CADM2: variants seen among roughly 807,000 people sequenced by gnomAD.
The protein encoded by CADM2 is cell adhesion molecule 2.
Under a neutral mutation model 49.8 loss-of-function variants are expected in CADM2, and 12 were observed. The observed-to-expected ratio is 0.24, with a 90% confidence interval of 0.15 to 0.39. The LOEUF (loss-of-function observed/expected upper bound fraction) is 0.39. Ranked by LOEUF, CADM2 falls within the 10% of genes least tolerant of loss-of-function variation. The pLI, the probability that CADM2 is intolerant of heterozygous loss-of-function variation, is 1.00. For missense variants in CADM2, 378 were observed against 492.3 expected, an observed-to-expected ratio of 0.77 and a Z score of 2.20; for synonymous variants, 214 against 175.4, an observed-to-expected ratio of 1.22 and a Z score of -1.74.
chr3:85,100,671 C>T (rs886163969), intron 1 of CADM2, among the ~76,000 whole-genome samples: 3 of 152,086 alleles, frequency 2.0e-5, no homozygotes, highest in South Asian at 2.1e-4. Flanking sequence ...TTCTAAAAAA[C>T]GAGGAGACTC....
At chr3:85,875,399 T>C (rs1324331036) in intron 3 of CADM2, among the ~76,000 whole-genome samples, 3 of 152,188 alleles carry the variant, frequency 2.0e-5, no homozygotes, top group Admixed American at 1.3e-4. Context: ...AATGGCATAT[T>C]TTCATCACAC....
intron 1 of CADM2, among the ~76,000 whole-genome samples, chr3:85,105,430 A>G (rs1228217786): frequency 6.6e-6 from 1 of 152,172 alleles, no homozygotes; most frequent in Non-Finnish European, 1.5e-5. Context: ...GGCAATCATT[A>G]AAAAGTCAGG....
At chr3:85,595,986 A>G (rs778950548) in intron 1 of CADM2, among the ~76,000 whole-genome samples, 112 of 151,848 alleles carry the variant, frequency 7.4e-4, no homozygotes, top group Non-Finnish European at 1.4e-3. Flanking sequence ...ACCATACCAA[A>G]TATGTCATGT....
At chr3:85,727,565 A>G (rs968729390) in intron 2 of CADM2, among the ~76,000 whole-genome samples, 1 of 152,216 alleles carries the variant, frequency 6.6e-6, no homozygotes, top group Admixed American at 6.6e-5. Context: ...TGAACAAAAT[A>G]AATACATTCA....
intron 1 of CADM2, among the ~76,000 whole-genome samples, chr3:85,619,519 ACCTTCCACTTGCTAC>A (rs1277128788): frequency 5.9e-5 from 9 of 152,048 alleles, no homozygotes; most frequent in Non-Finnish European, 1.3e-4. Context: ...TAGATACATC[ACCTTCCACTTGCTAC>A]CATATGTTGA....
At chr3:85,073,707 T>G (rs1160929611) in intron 1 of CADM2, among the ~76,000 whole-genome samples, 2 of 152,086 alleles carry the variant, frequency 1.3e-5, no homozygotes, top group African/African-American at 4.8e-5. Context: ...AACCAATCTA[T>G]CCAATATATG....
intron 1 of CADM2, among the ~76,000 whole-genome samples, chr3:85,581,779 A>G (rs1232061292): frequency 6.6e-6 from 1 of 151,956 alleles, no homozygotes; most frequent in East Asian, 1.9e-4. Context: ...AAATAAAGAC[A>G]TTATCAGACA....
In CADM2 at chr3:86,019,785, C is replaced by A. The variant is rs975609845; in HGVS notation, c.971-45820C>A. Among the ~76,000 whole-genome samples, 477 of 152,150 alleles carry A rather than the reference C, an allele frequency of 3.1e-3. 3 individuals are homozygous for A. The highest frequency in any genetic ancestry group is 0.011 in the African/African-American group (468 of 41,488). ...AGCTTAAGGAGATTTTGGGCTGAGA[C>A]AATGGGGTTTTCTAGATATACAATC... On this transcript the variant is annotated intron_variant, in intron 8 of 9. Transcript: ENST00000383699.
intron 1 of CADM2, among the ~76,000 whole-genome samples, chr3:85,044,776 TTTTC>T (rs1225831663): frequency 6.7e-5 from 10 of 149,206 alleles, no homozygotes; most frequent in East Asian, 2.0e-4. Flanking sequence ...TTTAGTGTCT[TTTTC>T]TTTCTTTCTT....
intron 1 of CADM2, among the ~76,000 whole-genome samples, chr3:85,408,440 A>G (rs1334881979): frequency 6.6e-6 from 1 of 152,244 alleles, no homozygotes; most frequent in African/African-American, 2.4e-5. Flanking sequence ...GGTATCTTGC[A>G]TGAACCAGTT....
At chr3:85,273,858 G>C (rs1184329429) in intron 1 of CADM2, among the ~76,000 whole-genome samples, 1 of 151,416 alleles carries the variant, frequency 6.6e-6, no homozygotes, top group Non-Finnish European at 1.5e-5. Context: ...AATCCCAAGG[G>C]AGATGGACGT....
chr3:85,204,951 T>G (rs1576113105), intron 1 of CADM2, among the ~76,000 whole-genome samples: 1 of 151,976 alleles, frequency 6.6e-6, no homozygotes, highest in East Asian at 1.9e-4. Context: ...TAATAATGAA[T>G]TTAGCACTGA....
intron 1 of CADM2, among the ~76,000 whole-genome samples, chr3:85,141,663 T>C (rs1326138562): frequency 6.6e-6 from 1 of 152,204 alleles, no homozygotes; most frequent in Non-Finnish European, 1.5e-5. Flanking sequence ...ATTCTGGCAT[T>C]TTTTATGAAT....
At chr3:85,615,948 A>G (rs780126868) in intron 1 of CADM2, among the ~76,000 whole-genome samples, 2 of 152,132 alleles carry the variant, frequency 1.3e-5, no homozygotes, top group Non-Finnish European at 1.5e-5. Context: ...CATTGACTCA[A>G]GAGGTTCAAG....
chr3:85,656,765 C>A (rs2065213912), intron 1 of CADM2, among the ~76,000 whole-genome samples: 1 of 152,100 alleles, frequency 6.6e-6, no homozygotes, highest in African/African-American at 2.4e-5. Context: ...GTATCCAAAA[C>A]AAATATCTTT....
rs2036914387 is a variant in CADM2 at position 85,075,610 on chromosome 3, T to C, written c.61+115942T>C. On this transcript the variant is annotated intron_variant, in intron 1 of 9. Transcript: ENST00000383699. ...AATATTCTCAGTTTGTTTGTTCTTA[T>C]TGTTGTTTTACTATCTCCCTTATTT... Among the ~76,000 whole-genome samples the C allele has an allele frequency of 3.3e-5, 5 of 152,202 alleles. No homozygotes were observed. In the South Asian group the frequency reaches 1.0e-3, roughly 31 times the overall value.
At chr3:85,896,750 A>G (rs1484194161) in intron 5 of CADM2, among the ~76,000 whole-genome samples, 1 of 152,236 alleles carries the variant, frequency 6.6e-6, no homozygotes, top group South Asian at 2.1e-4. Flanking sequence ...AAGATAATGC[A>G]GCTTCTAATT....
At chr3:85,530,520 G>A (rs965257135) in intron 1 of CADM2, among the ~76,000 whole-genome samples, 8 of 151,672 alleles carry the variant, frequency 5.3e-5, no homozygotes, top group African/African-American at 1.7e-4. Flanking sequence ...CAGTAGAGAC[G>A]GGGTTTCACC....
intron 8 of CADM2, among the ~76,000 whole-genome samples, chr3:85,974,846 A>G (rs2108651465): frequency 6.6e-6 from 1 of 151,782 alleles, no homozygotes; most frequent in South Asian, 2.1e-4. Context: ...AAATACCCCA[A>G]AATTTTCCTT....
Sources: gnomAD v4.1 joint callset for allele counts (sites outside exome capture counted in the v4.1 genomes callset) on GRCh38, gnomAD v4.1.1 for gene constraint, MANE v1.5 for transcripts, NCBI Gene and HGNC (gene_info 2026-07-23, HGNC 2026-07-21) for gene names.